The following PCDH15 variants were observed in gnomAD, a reference collection of about 807,000 sequenced individuals.
PCDH15 encodes the protein protocadherin-15.
In PCDH15, 129 loss-of-function variants were observed where a neutral mutation model predicts 178.5. That is an observed-to-expected ratio of 0.72 (90% CI 0.63 to 0.84). PCDH15 has a LOEUF of 0.84. PCDH15 is among the 40% of genes least tolerant of loss of function. PCDH15 has a pLI of 0.00. For missense variants in PCDH15, 2,230 were observed against 2,099.9 expected, an observed-to-expected ratio of 1.06 and a Z score of -1.21; for synonymous variants, 800 against 732.0, an observed-to-expected ratio of 1.09 and a Z score of -1.50.
intron 2 of PCDH15, among the ~76,000 whole-genome samples, chr10:55,371,321 T>C (rs555590000): frequency 3.9e-4 from 60 of 152,132 alleles, no homozygotes; most frequent in African/African-American, 1.4e-3. Flanking sequence ...TACCCCAAAC[T>C]TCAGAATCAG....
intron 18 of PCDH15, among the ~76,000 whole-genome samples, chr10:54,056,953 A>G (rs1283111383): frequency 6.6e-6 from 1 of 152,130 alleles, no homozygotes; most frequent in Admixed American, 6.5e-5. Context: ...CCAAAATCCA[A>G]TGGGGAAGTC....
upstream of PCDH15, among the ~76,000 whole-genome samples, chr10:54,804,938 T>TATATATATATATATAC (rs1328208893): frequency 0.034 from 4,358 of 126,382 alleles, 608 homozygotes; most frequent in South Asian, 0.1. Context: ...TATATATATA[T>TATATATATATATATAC]ATATATATAT....
chr10:53,821,105 A>G (rs1564527609), intron 32 of PCDH15: 1 of 979,884 alleles, frequency 1.0e-6, no homozygotes, highest in Non-Finnish European at 1.2e-6. Flanking sequence ...AAAGTCAACG[A>G]CTCAAGATTT....
intron 1 of PCDH15, among the ~76,000 whole-genome samples, chr10:55,223,773 CTCTGG>C (rs1317367937): frequency 6.6e-6 from 1 of 152,112 alleles, no homozygotes; most frequent in African/African-American, 2.4e-5. Flanking sequence ...ATCTGCTAAA[CTCTGG>C]TCTTTAAAAT....
At position 54,130,020 on chromosome 10, in the gene PCDH15, C is replaced by T. The variant is rs111442972; in HGVS notation, c.1917+2855G>A. Among the ~76,000 whole-genome samples the T allele has an allele frequency of 3.1e-3, 469 of 152,202 alleles. 2 individuals carry two copies. Among genetic ancestry groups the T allele is most frequent in the African/African-American group, 0.01 (428 of 41,506 alleles). ...GAAAGGGTAATTTGGAAGGAAACAA[C>T]GCTTTTGTGAAGAAAAGAAATACTT... is the stretch of plus-strand genomic sequence containing the variant. On this transcript the variant is annotated intron_variant, in intron 15 of 37. Transcript: ENST00000644397.
chr10:55,299,414 G>A (rs569277405), intron 1 of PCDH15, among the ~76,000 whole-genome samples: 11 of 152,202 alleles, frequency 7.2e-5, no homozygotes, highest in East Asian at 3.9e-4. Flanking sequence ...CACATCTTAC[G>A]TTATAAGCCT....
chr10:54,872,901 G>A (rs1037946300), intron 3 of PCDH15, among the ~76,000 whole-genome samples: 3 of 152,100 alleles, frequency 2.0e-5, no homozygotes, highest in Non-Finnish European at 4.4e-5. Context: ...TTCATTCCTA[G>A]GCAAGCAGAG....
intron 2 of PCDH15, among the ~76,000 whole-genome samples, chr10:54,992,967 C>G (rs1464816078): frequency 6.7e-6 from 1 of 149,400 alleles, no homozygotes. Context: ...TGAAAATAGT[C>G]CAAGTAAGTC....
In PCDH15 at chr10:54,038,314, G is replaced by T. The variant is rs79903109; in HGVS notation, c.2221-15117C>A. ...TGAAGAAAAAGCTATACTGTATAAA[G>T]GTGTTTGCAGGTGGGTTCTCTGGCA... On this transcript the variant is annotated intron_variant, in intron 18 of 37. Coordinates refer to ENST00000644397, the MANE Select transcript of PCDH15 (RefSeq NM_001384140.1). Among the ~76,000 whole-genome samples, 1,466 of 151,914 alleles carry T rather than the reference G, an allele frequency of 9.7e-3. 26 individuals are homozygous for T. The highest frequency in any genetic ancestry group is 0.034 in the African/African-American group (1,394 of 41,464).
chr10:53,978,627 G>C (rs1466672844), intron 21 of PCDH15, among the ~76,000 whole-genome samples: 1 of 150,208 alleles, frequency 6.7e-6, no homozygotes, highest in African/African-American at 2.5e-5. Context: ...GCAAATTTCT[G>C]CTGCCAACTG....
rs1565031222 is a variant in PCDH15 at position 54,345,829 on chromosome 10, A to AAG, written c.594+535_594+536insCT. 5.3e-4 allele frequency among the ~76,000 whole-genome samples: 73 copies of AAG among 137,170 alleles called. 1 individual carries two copies. The highest frequency in any genetic ancestry group is 1.4e-3 in the South Asian group (6 of 4,206). The allele number at this position is 137,170 out of a possible 152,430, so 90.0% of individuals were successfully genotyped here. Reference sequence around the variant, plus strand: ...AAAAAAAAAAAAAAAAAAAAAAAAAAAAAAAGAAATCATCTTGTCTAATGG... The same window carrying AAG: ...AAAAAAAAAAAAAAAAAAAAAAAAAAAGAAAAAGAAATCATCTTGTCTAATGG... On this transcript the variant is annotated intron_variant, in intron 6 of 37. Coordinates refer to ENST00000644397, the MANE Select transcript of PCDH15 (RefSeq NM_001384140.1).
chr10:54,910,581 A>G (rs990276484), intron 2 of PCDH15, among the ~76,000 whole-genome samples: 111 of 152,116 alleles, frequency 7.3e-4, no homozygotes, highest in Admixed American at 7.3e-3. Flanking sequence ...TCTGTGCACA[A>G]TATATTAATC....
At chr10:55,279,859 T>C (rs1842683236) in intron 1 of PCDH15, among the ~76,000 whole-genome samples, 1 of 152,308 alleles carries the variant, frequency 6.6e-6, no homozygotes, top group East Asian at 1.9e-4. Flanking sequence ...ATACTGTTCT[T>C]CCTATTCAAA....
At chr10:54,362,063 A>T (rs114531150) in intron 5 of PCDH15, among the ~76,000 whole-genome samples, 1 of 152,130 alleles carries the variant, frequency 6.6e-6, no homozygotes, top group African/African-American at 2.4e-5. Flanking sequence ...GCAGCTATCT[A>T]TAAGTACTAA....
chr10:54,488,655 A>G (rs1303617033), intron 3 of PCDH15, among the ~76,000 whole-genome samples: 1 of 151,988 alleles, frequency 6.6e-6, no homozygotes, highest in Non-Finnish European at 1.5e-5. Context: ...AAGATAATGC[A>G]CTTTTGTTTA....
At chr10:55,003,549 C>A (rs931894989) in intron 2 of PCDH15, among the ~76,000 whole-genome samples, 49 of 151,456 alleles carry the variant, frequency 3.2e-4, no homozygotes, top group African/African-American at 1.0e-3. Context: ...AAGCATGTTT[C>A]TCTCTTTGCC....
At chr10:54,652,214 CCCTCCTCTTTCTTTG>C (rs561258600) in intron 2 of PCDH15, among the ~76,000 whole-genome samples, 76 of 152,254 alleles carry the variant, frequency 5.0e-4, no homozygotes, top group African/African-American at 1.5e-3. Flanking sequence ...ACCTTTCTTT[CCCTCCTCTTTCTTTG>C]AGATTTTCAG....
intron 2 of PCDH15, among the ~76,000 whole-genome samples, chr10:55,598,513 A>T (rs949165807): frequency 3.5e-4 from 29 of 83,432 alleles, no homozygotes; most frequent in African/African-American, 9.6e-4. Flanking sequence ...AGCAAACCCT[A>T]ATATATATAT....
intron 2 of PCDH15, among the ~76,000 whole-genome samples, chr10:55,357,972 A>T (rs960139448): frequency 3.9e-5 from 6 of 152,082 alleles, no homozygotes; most frequent in Admixed American, 2.6e-4. Context: ...AATCACTCTT[A>T]TTGGGTGGAT....
Sources: allele counts gnomAD v4.1 joint callset (sites outside exome capture counted in the v4.1 genomes callset), GRCh38; gene constraint gnomAD v4.1.1; transcripts MANE v1.5; gene names NCBI Gene and HGNC (gene_info 2026-07-23, HGNC 2026-07-21).